The following MYLK2 variants were observed in gnomAD, a reference collection of about 807,000 sequenced individuals.
MYLK2 encodes the protein myosin light chain kinase 2.
Under a neutral mutation model 58.2 loss-of-function variants are expected in MYLK2, and 27 were observed. The observed-to-expected ratio is 0.46, with a 90% CI of 0.34 to 0.64. The LOEUF (loss-of-function observed/expected upper bound fraction) is 0.64. MYLK2 is among the 30% of genes least tolerant of loss of function. The pLI, the probability that MYLK2 is intolerant of heterozygous loss-of-function variation, is 0.01. For missense variants in MYLK2, 676 were observed against 764.3 expected (o/e 0.88, Z 1.36); for synonymous variants, 310 against 296.7 (o/e 1.04, Z -0.46).
chr20:31,832,167 G>T, intron 12 of MYLK2, 31 bp downstream of exon 12: 1 of 1,291,518 alleles, frequency 7.7e-7, no homozygotes, highest in Non-Finnish European at 1.1e-6. Flanking sequence ...GGGAGGGAGG[G>T]CTTGCTAGTG....
intron 6 of MYLK2, among the ~76,000 whole-genome samples, chr20:31,824,766 G>A (rs983416896): frequency 2.6e-5 from 4 of 152,208 alleles, no homozygotes; most frequent in Admixed American, 1.3e-4. Flanking sequence ...TAGTACCCAC[G>A]GCCTGGGCTG....
At position 31,833,916 on chromosome 20, in the gene MYLK2, G is replaced by A; in HGVS notation, c.*119G>A. The stretch of plus-strand genomic sequence containing the variant: ...AGGGCAGCCTCGTTAGGACAAGGCT[G>A]TGCCAGGCTGGGAGGCTCGGGGCTC... On this transcript the variant is annotated 3_prime_UTR_variant, in exon 13 of 13. Transcript: ENST00000375985. 2.1e-6 allele frequency: 2 copies of A among 950,996 alleles called. No homozygotes were observed. The highest frequency in any genetic ancestry group is 1.6e-6 in the Non-Finnish European group (1 of 618,170). The allele number at this position is 950,996 out of a possible 1,614,324, so 58.9% of individuals were successfully genotyped here. A position where few individuals can be genotyped will look rare whatever the true frequency, so the allele number is the denominator to read the frequency against.
intron 3 of MYLK2, 100 bp from the exon 4 acceptor site, chr20:31,821,339 T>C: frequency 7.0e-7 from 1 of 1,418,450 alleles, no homozygotes; most frequent in South Asian, 1.2e-5. Flanking sequence ...ACCATGCATT[T>C]GGGGTGGGGT....
chr20:31,819,494 A>G (rs545611943), intron 1 of MYLK2, 39 bp from the exon 2 acceptor site: 11 of 1,520,870 alleles, frequency 7.2e-6, no homozygotes, highest in Non-Finnish European at 9.8e-6. Flanking sequence ...CGAGAGGGGA[A>G]ATTGGACAGC....
chr20:31,827,083 A>G, intron 8 of MYLK2, 145 bp downstream of exon 8: 2 of 1,484,494 alleles, frequency 1.3e-6, no homozygotes, highest in Non-Finnish European at 1.8e-6. Context: ...GAAAGGGTTT[A>G]TGGAATACTT....
Position 31,831,088 on chromosome 20 carries a change from C to G in MYLK2, c.1371C>G (p.Asp457Glu). Residue 457 changes from aspartate to glutamate, a missense_variant, in exon 10 of 13, where the codon GAC (aspartate) becomes GAG (glutamate). Asp to Glu is a conservative substitution (Grantham distance 45). Transcript: ENST00000375985. ...TGTCACCTGAGGTGGTGAATTATGACCAAATCTCCGATAAGACAGACATGT... is the reference window on the plus strand; with the variant it reads ...TGTCACCTGAGGTGGTGAATTATGAGCAAATCTCCGATAAGACAGACATGT... Reference protein sequence around the residue: ...EFLSPEVVNYDQISDKTDMWS... With the variant: ...EFLSPEVVNYEQISDKTDMWS... 6.2e-7 allele frequency: 1 copy of G among 1,614,122 alleles called. No individual in the cohort carries two copies. Among genetic ancestry groups the G allele is most frequent in the South Asian group, 1.1e-5 (1 of 91,080 alleles).
intron 10 of MYLK2, among the ~76,000 whole-genome samples, chr20:31,831,499 G>T (rs2062306187): frequency 1.3e-5 from 2 of 152,082 alleles, no homozygotes. Context: ...TTTTACAGAT[G>T]AGAAGAGTGA....
At chr20:31,826,355 G>A (rs140644585) in intron 6 of MYLK2, among the ~76,000 whole-genome samples, 3 of 152,146 alleles carry the variant, frequency 2.0e-5, no homozygotes, top group East Asian at 1.9e-4. Context: ...AAGCGGTGAG[G>A]GGGGAGGATG....
At position 31,834,449 on chromosome 20, in the gene MYLK2, G is replaced by A. The variant is rs1323385017; in HGVS notation, c.*652G>A. 6.5e-6 allele frequency: 1 copy of A among 153,478 alleles called. No individual in the cohort carries two copies. The highest frequency in any genetic ancestry group is 1.5e-5 in the Non-Finnish European group (1 of 68,782). 9.5% of individuals were successfully genotyped at this position (153,478 alleles called of 1,614,324 possible). A position where few individuals can be genotyped will look rare whatever the true frequency, so the allele number is the denominator to read the frequency against. ...CACAGGAACTCTGTGTGAGAGAGAG[G>A]GCGCCCAGCCCAGGCCTGGTGGAGG... On this transcript the variant is annotated 3_prime_UTR_variant, in exon 13 of 13. Transcript: ENST00000375985.
intron 12 of MYLK2, among the ~76,000 whole-genome samples, chr20:31,832,553 C>T (rs936693807): frequency 4.6e-5 from 7 of 152,130 alleles, no homozygotes; most frequent in African/African-American, 1.4e-4. Flanking sequence ...GGTACAATGG[C>T]GTGATCTCGG....
chr20:31,832,699 G>A (rs2062313124), intron 12 of MYLK2, among the ~76,000 whole-genome samples: 1 of 152,134 alleles, frequency 6.6e-6, no homozygotes, highest in East Asian at 1.9e-4. Flanking sequence ...CACCATGTTG[G>A]CCAGGCTGGT....
chr20:31,823,437 C>T, intron 4 of MYLK2, 40 bp from the exon 5 acceptor site: 1 of 1,574,982 alleles, frequency 6.3e-7, no homozygotes. Context: ...TCCTCAGCAG[C>T]CCCTGGCACT....
intron 8 of MYLK2, chr20:31,828,611 G>A (rs2062291281): frequency 1.0e-6 from 1 of 985,316 alleles, no homozygotes; most frequent in Admixed American, 6.1e-5. Context: ...AAGTGTTTGA[G>A]AAAATACACG....
chr20:31,830,899 G>T lies in MYLK2; in HGVS notation c.1295+10G>T, dbSNP rs771885402. The T allele has an allele frequency of 1.9e-6, 3 of 1,613,844 alleles. No individual in the cohort carries two copies. In the Admixed American group the frequency reaches 5.0e-5, roughly 27 times the overall value. ...TTGGCCTGGCACGGAGGTACCACCT[G>T]GGTGGGTGGGGAGGGCAAGACAAGC... On this transcript the variant is annotated intron_variant, in intron 9 of 12. Coordinates refer to ENST00000375985, the MANE Select transcript of MYLK2 (RefSeq NM_033118.4).
At chr20:31,832,847 GA>G (rs1366821544) in intron 12 of MYLK2, among the ~76,000 whole-genome samples, 1 of 151,676 alleles carries the variant, frequency 6.6e-6, no homozygotes, top group Non-Finnish European at 1.5e-5. Flanking sequence ...GAAGACTTTA[GA>G]AAAAAAATAA....
intron 10 of MYLK2, 149 bp downstream of exon 10, chr20:31,831,290 G>C: frequency 1.7e-6 from 2 of 1,204,766 alleles, no homozygotes; most frequent in Non-Finnish European, 1.2e-6. Flanking sequence ...GTGCTAGGGA[G>C]AACAGGAAAG....
chr20:31,824,189 C>T, intron 5 of MYLK2, 70 bp from the exon 6 acceptor site: 1 of 1,567,602 alleles, frequency 6.4e-7, no homozygotes, highest in Non-Finnish European at 8.7e-7. Flanking sequence ...AAGTTAGGAT[C>T]AGAGCAAAGG....
chr20:31,827,710 G>A (rs554251793), intron 8 of MYLK2, among the ~76,000 whole-genome samples: 2 of 151,452 alleles, frequency 1.3e-5, no homozygotes, highest in African/African-American at 4.9e-5. Context: ...GTAGAGACAG[G>A]GTTTCACCAT....
chr20:31,833,230 G>A (rs1243690164), intron 12 of MYLK2, among the ~76,000 whole-genome samples: 1 of 152,166 alleles, frequency 6.6e-6, no homozygotes, highest in Non-Finnish European at 1.5e-5. Context: ...ACAAAGACCT[G>A]AAGGTGGGGA....
Sources: gnomAD v4.1 joint callset for allele counts (sites outside exome capture counted in the v4.1 genomes callset) on GRCh38, gnomAD v4.1.1 for gene constraint, MANE v1.5 for transcripts, NCBI Gene and HGNC (gene_info 2026-07-23, HGNC 2026-07-21) for gene names.